GRIA1: variants seen among roughly 807,000 people sequenced by gnomAD.
GRIA1 encodes glutamate receptor 1.
A neutral mutation model predicts 99.2 loss-of-function variants in GRIA1; 31 were observed. The observed-to-expected ratio is 0.31, with a 90% CI of 0.23 to 0.42. The LOEUF (loss-of-function observed/expected upper bound fraction) is 0.42. Ranked by LOEUF, GRIA1 falls within the 10% of genes least tolerant of loss-of-function variation. The pLI, the probability that GRIA1 is intolerant of heterozygous loss-of-function variation, is 1.00. For synonymous variants in GRIA1, 438 were observed against 432.4 expected, an observed-to-expected ratio of 1.01 and a Z score of -0.16; for missense variants, 782 against 1,157.5, an observed-to-expected ratio of 0.68 and a Z score of 4.71.
At chr5:153,609,889 G>A (rs1196879394) in intron 2 of GRIA1, among the ~76,000 whole-genome samples, 1 of 151,982 alleles carries the variant, frequency 6.6e-6, no homozygotes, top group Non-Finnish European at 1.5e-5. Context: ...ATTCCAATAA[G>A]GTACAATTTG....
chr5:153,730,580 G>A (rs558271710), intron 11 of GRIA1, among the ~76,000 whole-genome samples: 1 of 151,930 alleles, frequency 6.6e-6, no homozygotes, highest in African/African-American at 2.4e-5. Context: ...AATTATAAAG[G>A]GTTTTGAAAA....
chr5:153,500,038 C>A (rs907841674), intron 2 of GRIA1, among the ~76,000 whole-genome samples: 3 of 152,172 alleles, frequency 2.0e-5, no homozygotes, highest in African/African-American at 7.2e-5. Context: ...AATCTTCACC[C>A]GTGCCCTTAC....
chr5:153,681,619 G>A (rs1756974698), intron 7 of GRIA1, among the ~76,000 whole-genome samples: 1 of 152,104 alleles, frequency 6.6e-6, no homozygotes, highest in African/African-American at 2.4e-5. Flanking sequence ...ACTATCTGGG[G>A]GATCTTGGAC....
chr5:153,608,787 G>A (rs372732732), intron 2 of GRIA1, among the ~76,000 whole-genome samples: 1 of 152,032 alleles, frequency 6.6e-6, no homozygotes, highest in Non-Finnish European at 1.5e-5. Context: ...TTATCTTCCT[G>A]TATAACAGTT....
rs554782109 is a variant in GRIA1, at chr5:153,520,258, A to G, written c.220+26193A>G. 1.1e-3 allele frequency among the ~76,000 whole-genome samples: 171 copies of G among 152,326 alleles called. 5 individuals are homozygous for G. The South Asian group carries it at 0.035, about 31-fold the overall frequency. On this transcript the variant is annotated intron_variant, in intron 2 of 15. Coordinates refer to ENST00000285900, the MANE Select transcript of GRIA1 (RefSeq NM_000827.4). ...TATTCATTCAACTTTTATTTAGCTT[A>G]TACATCCTACAGAGAAGGTGAAGGG... is the stretch of plus-strand genomic sequence containing the variant.
At chr5:153,691,360 A>G (rs943968029) in intron 8 of GRIA1, among the ~76,000 whole-genome samples, 1 of 152,196 alleles carries the variant, frequency 6.6e-6, no homozygotes, top group Non-Finnish European at 1.5e-5. Flanking sequence ...TCATCGAAGA[A>G]CTGGTATTGT....
intron 2 of GRIA1, among the ~76,000 whole-genome samples, chr5:153,605,729 A>C (rs1156839192): frequency 6.6e-6 from 1 of 152,080 alleles, no homozygotes; most frequent in African/African-American, 2.4e-5. Context: ...ATTTCTCTTG[A>C]TTATTTGTGA....
chr5:153,670,259 C>A (rs1486476699), intron 5 of GRIA1, among the ~76,000 whole-genome samples: 2 of 152,072 alleles, frequency 1.3e-5, no homozygotes, highest in Non-Finnish European at 2.9e-5. Context: ...GACCTAATAG[C>A]CCTAGGAACT....
At chr5:153,637,386 G>A (rs1420291425) in intron 2 of GRIA1, among the ~76,000 whole-genome samples, 1 of 152,062 alleles carries the variant, frequency 6.6e-6, no homozygotes, top group Admixed American at 6.6e-5. Flanking sequence ...TCAAGACCAG[G>A]TACCTTTCTG....
At chr5:153,562,727 T>G (rs1761243996) in intron 2 of GRIA1, among the ~76,000 whole-genome samples, 1 of 152,196 alleles carries the variant, frequency 6.6e-6, no homozygotes, top group Non-Finnish European at 1.5e-5. Context: ...GAATCTCCAC[T>G]TGACTCCTGA....
At chr5:153,802,517 C>T in intron 15 of GRIA1, 27 bp downstream of exon 15, 3 of 1,612,988 alleles carry the variant, frequency 1.9e-6, no homozygotes, top group South Asian at 1.1e-5. Flanking sequence ...GGGCCTTTTT[C>T]CTAACCTGTT....
chr5:153,490,062 G>A (rs1481377553), upstream of GRIA1, among the ~76,000 whole-genome samples: 2 of 151,970 alleles, frequency 1.3e-5, no homozygotes, highest in South Asian at 2.1e-4. Flanking sequence ...CCTTCCATTA[G>A]GAGAGAGAAA....
intron 15 of GRIA1, among the ~76,000 whole-genome samples, chr5:153,806,084 C>T (rs927103902): frequency 1.3e-5 from 2 of 152,198 alleles, no homozygotes; most frequent in African/African-American, 2.4e-5. Flanking sequence ...AGCTTTGCAG[C>T]TCTCTTTATT....
At chr5:153,562,565 C>A (rs1446729545) in intron 2 of GRIA1, among the ~76,000 whole-genome samples, 1 of 152,108 alleles carries the variant, frequency 6.6e-6, no homozygotes, top group Admixed American at 6.5e-5. Flanking sequence ...CTTTGTAGTC[C>A]ATAGGATTCT....
chr5:153,534,979 T>C (rs1042062891), intron 2 of GRIA1, among the ~76,000 whole-genome samples: 2 of 152,144 alleles, frequency 1.3e-5, no homozygotes, highest in Non-Finnish European at 2.9e-5. Flanking sequence ...TGGAGTGCAG[T>C]GGCACAATCT....
intron 1 of GRIA1, 37 bp downstream of exon 1, chr5:153,491,007 G>A (rs150905426): frequency 6.3e-7 from 1 of 1,586,138 alleles, no homozygotes; most frequent in African/African-American, 1.3e-5. Flanking sequence ...GACTTTCTGG[G>A]TCTGGCCAGG....
intron 2 of GRIA1, among the ~76,000 whole-genome samples, chr5:153,607,065 A>ATATATATATATATATATATATGTATG (rs1349350277): frequency 4.7e-5 from 7 of 147,400 alleles, no homozygotes; most frequent in African/African-American, 1.7e-4. Context: ...ATATATATAT[A>ATATATATATATATATATATATGTATG]TATAATCACA....
intron 2 of GRIA1, among the ~76,000 whole-genome samples, chr5:153,534,200 C>T (rs555936920): frequency 7.2e-5 from 11 of 152,328 alleles, no homozygotes; most frequent in African/African-American, 2.4e-4. Context: ...GCCTCCTCTC[C>T]TTACTTTCCT....
chr5:153,609,393 G>C (rs1415072880), intron 2 of GRIA1, among the ~76,000 whole-genome samples: 1 of 151,506 alleles, frequency 6.6e-6, no homozygotes, highest in East Asian at 2.0e-4. Flanking sequence ...AGGAAGTCCT[G>C]TTCCTGATCT....
Sources: gnomAD v4.1 joint callset for allele counts (sites outside exome capture counted in the v4.1 genomes callset) on GRCh38, gnomAD v4.1.1 for gene constraint, MANE v1.5 for transcripts, NCBI Gene and HGNC (gene_info 2026-07-23, HGNC 2026-07-21) for gene names.